Variants in EGLN1 observed in about 807,000 individuals in gnomAD.
The protein encoded by EGLN1 is egl-9 family hypoxia inducible factor 1.
In EGLN1, 17 loss-of-function variants were observed where a neutral mutation model predicts 38.3. The ratio of observed to expected loss-of-function variants is 0.44; its 90% CI spans 0.30 to 0.67. The LOEUF is 0.67. EGLN1 is among the 30% of genes least tolerant of loss of function. The probability of loss-of-function intolerance (pLI) is 0.08; values close to 1 mark genes in which losing one functional copy is unlikely to be tolerated. For synonymous variants in EGLN1, 283 were observed against 257.5 expected, an observed-to-expected ratio of 1.10 and a Z score of -0.95; for missense variants, 477 against 603.3, an observed-to-expected ratio of 0.79 and a Z score of 2.19.
chr1:231,367,900 T>C (rs770947310), intron 3 of EGLN1, among the ~76,000 whole-genome samples: 2 of 152,096 alleles, frequency 1.3e-5, no homozygotes, highest in Non-Finnish European at 2.9e-5. Context: ...AAAGAGACAA[T>C]AGGCCGGGCA....
chr1:231,368,522 A>G (rs1018137734), intron 3 of EGLN1, among the ~76,000 whole-genome samples: 20 of 152,218 alleles, frequency 1.3e-4, no homozygotes, highest in Non-Finnish European at 2.8e-4. Context: ...CCAATAAGTG[A>G]GGCATCTCTA....
At chr1:231,403,211 T>C (rs565067622) in intron 1 of EGLN1, among the ~76,000 whole-genome samples, 7 of 152,318 alleles carry the variant, frequency 4.6e-5, no homozygotes, top group Admixed American at 3.3e-4. Context: ...ACGTATTTTA[T>C]GCTGTTAATG....
intron 3 of EGLN1, among the ~76,000 whole-genome samples, chr1:231,369,189 G>A (rs773126429): frequency 1.3e-5 from 2 of 151,788 alleles, no homozygotes; most frequent in Non-Finnish European, 1.5e-5. Context: ...TTACTAACAC[G>A]ACTGCACCCC....
At chr1:231,374,755 C>A (rs1216578813) in intron 1 of EGLN1, among the ~76,000 whole-genome samples, 1 of 151,894 alleles carries the variant, frequency 6.6e-6, no homozygotes, top group Non-Finnish European at 1.5e-5. Flanking sequence ...CAACTAAACT[C>A]CAAACATTAA....
chr1:231,407,898 TCACA>T (rs1688836546), intron 1 of EGLN1, among the ~76,000 whole-genome samples: 1 of 152,086 alleles, frequency 6.6e-6, no homozygotes, highest in Non-Finnish European at 1.5e-5. Flanking sequence ...ATTAAAACTC[TCACA>T]CACTTTTTAA....
At chr1:231,388,368 G>A (rs1688275116) in intron 1 of EGLN1, among the ~76,000 whole-genome samples, 1 of 152,088 alleles carries the variant, frequency 6.6e-6, no homozygotes, top group South Asian at 2.1e-4. Flanking sequence ...ATGTGAGCTG[G>A]GCAAACTAAC....
chr1:231,421,865 G>A lies in EGLN1; in HGVS notation c.24C>T (p.Pro8=), dbSNP rs766080154. The change falls in exon 1 of 5, where the codon CCC becomes CCT. Residue 8 remains proline (P), a synonymous_variant. Coordinates refer to ENST00000366641, the MANE Select transcript of EGLN1 (RefSeq NM_022051.3). The surrounding 1 kb of genome is among the most constrained non-coding windows in gnomAD (Gnocchi z 5.5). MANDSGG[P]GGPSPSERDR... ...CTCGCTCGCTCGGGCTCGGCCCGCC[G>A]GGCCCGCCGCTGTCATTGGCCATGG... 68 of 1,495,044 alleles carry A rather than the reference G, an allele frequency of 4.5e-5. No homozygotes were observed. In the South Asian group the frequency reaches 5.0e-4, roughly 11 times the overall value. 92.6% of individuals were successfully genotyped at this position (1,495,044 alleles called of 1,614,324 possible).
At chr1:231,402,516 C>T (rs1375166896) in intron 1 of EGLN1, among the ~76,000 whole-genome samples, 1 of 151,346 alleles carries the variant, frequency 6.6e-6, no homozygotes, top group Non-Finnish European at 1.5e-5. Flanking sequence ...CTCATTGCAA[C>T]CTCTGCCTCC....
At chr1:231,383,182 G>A (rs2491407) in intron 1 of EGLN1, among the ~76,000 whole-genome samples, 82,877 of 148,946 alleles carry the variant, frequency 0.56, 24,233 homozygotes, top group Non-Finnish European at 0.65. Context: ...AATTTTTTTT[G>A]TGTGTGGCAG....
chr1:231,394,816 C>T (rs973927382), intron 1 of EGLN1, among the ~76,000 whole-genome samples: 16 of 152,066 alleles, frequency 1.1e-4, no homozygotes, highest in South Asian at 2.1e-4. Context: ...AAATAAATAA[C>T]CCTTGTCATC....
At chr1:231,404,972 T>C (rs1688750795) in intron 1 of EGLN1, among the ~76,000 whole-genome samples, 1 of 152,118 alleles carries the variant, frequency 6.6e-6, no homozygotes, top group Admixed American at 6.5e-5. Flanking sequence ...GCCAACTGCC[T>C]AAGCAACAAT....
At chr1:231,418,697 A>G (rs777259826) in intron 1 of EGLN1, among the ~76,000 whole-genome samples, 4 of 152,078 alleles carry the variant, frequency 2.6e-5, no homozygotes, top group Non-Finnish European at 5.9e-5. Context: ...GACTCTACAA[A>G]AAAAATTTTT....
intron 1 of EGLN1, among the ~76,000 whole-genome samples, chr1:231,390,321 C>A (rs77169129): frequency 0.015 from 2,268 of 152,282 alleles, 27 homozygotes; most frequent in Middle Eastern, 0.037. Flanking sequence ...TCAAATAAGA[C>A]AATACAGGAA....
At chr1:231,412,035 A>AG (rs1406968413) in intron 1 of EGLN1, among the ~76,000 whole-genome samples, 1 of 145,648 alleles carries the variant, frequency 6.9e-6, no homozygotes, top group Non-Finnish European at 1.5e-5. Context: ...AAAAAAAAAA[A>AG]AAAAAAAAAA....
chr1:231,405,394 G>T (rs1306929299), intron 1 of EGLN1, among the ~76,000 whole-genome samples: 2 of 151,892 alleles, frequency 1.3e-5, no homozygotes, highest in East Asian at 3.9e-4. Context: ...AGCCAGGATG[G>T]TCTCGATCTC....
At chr1:231,396,403 G>A (rs1439797976) in intron 1 of EGLN1, among the ~76,000 whole-genome samples, 5 of 151,888 alleles carry the variant, frequency 3.3e-5, no homozygotes, top group East Asian at 1.9e-4. Context: ...ACAGGCACGC[G>A]CCACCAAGCC....
At chr1:231,373,677 CGTGTGT>C (rs60871560) in intron 2 of EGLN1, among the ~76,000 whole-genome samples, 83 of 91,310 alleles carry the variant, frequency 9.1e-4, no homozygotes, top group African/African-American at 1.9e-3. Context: ...CTCGTGTGTG[CGTGTGT>C]GTGTGTGTGT....
chr1:231,385,173 G>C (rs112286132), intron 1 of EGLN1, among the ~76,000 whole-genome samples: 2,258 of 152,310 alleles, frequency 0.015, 68 homozygotes, highest in African/African-American at 0.051. Flanking sequence ...TTTGGTTTAA[G>C]CAATAGGGAA....
In EGLN1 at chr1:231,411,336, T is replaced by C. The variant is rs1227268349; in HGVS notation, c.891+9662A>G. Among the ~76,000 whole-genome samples, 5 of 152,294 alleles carry C rather than the reference T, an allele frequency of 3.3e-5. No homozygotes were observed. The South Asian group carries it at 1.0e-3, about 32-fold the overall frequency. On this transcript the variant is annotated intron_variant, in intron 1 of 4. Transcript: ENST00000366641. ...CCATAATTGTAAGTTTCCTGAGGCC[T>C]CCCCAGCCATGTGGAACTGTGAGTC...
Sources: gnomAD v4.1 joint callset for allele counts (sites outside exome capture counted in the v4.1 genomes callset) on GRCh38, gnomAD v4.1.1 for gene constraint, Gnocchi (gnomAD v3.1) non-coding constraint, MANE v1.5 for transcripts, NCBI Gene and HGNC (gene_info 2026-07-23, HGNC 2026-07-21) for gene names.